MDGA2: variants seen among roughly 807,000 people sequenced by gnomAD.
MDGA2 encodes MAM domain-containing glycosylphosphatidylinositol anchor protein 2.
MDGA2 carries 40 observed loss-of-function variants against 117.8 expected under a neutral mutation model. That is an observed-to-expected ratio of 0.34 (90% CI 0.26 to 0.44). The LOEUF is 0.44. Ranked by LOEUF, MDGA2 falls within the 20% of genes least tolerant of loss-of-function variation. The probability of loss-of-function intolerance (pLI) is 1.00; values close to 1 mark genes in which losing one functional copy is unlikely to be tolerated. For synonymous variants in MDGA2, 452 were observed against 439.0 expected, an observed-to-expected ratio of 1.03 and a Z score of -0.37; for missense variants, 1,123 against 1,250.6, an observed-to-expected ratio of 0.90 and a Z score of 1.54.
chr14:46,926,431 A>C (rs1353495544), intron 9 of MDGA2, among the ~76,000 whole-genome samples: 2 of 152,164 alleles, frequency 1.3e-5, no homozygotes, highest in East Asian at 3.9e-4. Context: ...TGAAAAAAAA[A>C]AAAGCCTTCT....
chr14:47,314,060 A>G (rs139116890), intron 1 of MDGA2, among the ~76,000 whole-genome samples: 22 of 152,286 alleles, frequency 1.4e-4, no homozygotes, highest in South Asian at 2.1e-4. Context: ...CAGTTTGAGA[A>G]GAGTGTGAAG....
chr14:47,661,440 A>G (rs186183132), intron 1 of MDGA2, among the ~76,000 whole-genome samples: 1 of 152,296 alleles, frequency 6.6e-6, no homozygotes, highest in East Asian at 1.9e-4. Flanking sequence ...TTTTTCAATT[A>G]TAGGTGAAAA....
intron 1 of MDGA2, among the ~76,000 whole-genome samples, chr14:47,325,366 A>C (rs914583709): frequency 5.9e-5 from 9 of 152,192 alleles, no homozygotes; most frequent in Non-Finnish European, 1.3e-4. Context: ...GTAGATAAGT[A>C]GTGTCAATCA....
intron 8 of MDGA2, among the ~76,000 whole-genome samples, chr14:46,968,835 TAA>T (rs759219093): frequency 4.7e-5 from 5 of 105,834 alleles, no homozygotes; most frequent in Admixed American, 9.4e-5. Context: ...AGACTCTGTC[TAA>T]AAAAAAAAAA....
intron 1 of MDGA2, among the ~76,000 whole-genome samples, chr14:47,668,997 C>A (rs1898027172): frequency 6.6e-6 from 1 of 152,122 alleles, no homozygotes; most frequent in South Asian, 2.1e-4. Flanking sequence ...CGCCTCTATA[C>A]CTGGAACACA....
chr14:47,201,524 C>G lies in MDGA2; in HGVS notation c.595+16497G>C, dbSNP rs201284883. On this transcript the variant is annotated intron_variant, in intron 3 of 16. Transcript: ENST00000399232. ...TTAGTGCTGTTTCACAAGCCTCTCT[C>G]CTCCAAGTAAATGGCATGTCCTATG... Among the ~76,000 whole-genome samples the G allele has an allele frequency of 1.4e-4, 22 of 152,278 alleles. No individual in the cohort carries two copies. In the East Asian group the frequency reaches 2.7e-3, roughly 19 times the overall value.
intron 1 of MDGA2, among the ~76,000 whole-genome samples, chr14:47,529,179 A>C (rs951658399): frequency 6.6e-6 from 1 of 151,884 alleles, no homozygotes; most frequent in Non-Finnish European, 1.5e-5. Flanking sequence ...TTTTTTTACA[A>C]ACTTTTTTAT....
intron 7 of MDGA2, among the ~76,000 whole-genome samples, chr14:47,042,964 A>G (rs1055925191): frequency 2.6e-5 from 4 of 152,146 alleles, no homozygotes; most frequent in Non-Finnish European, 5.9e-5. Flanking sequence ...CAAAATTTAT[A>G]AGAACACCAA....
chr14:46,970,603 C>T (rs1280898507), intron 8 of MDGA2, among the ~76,000 whole-genome samples: 1 of 152,014 alleles, frequency 6.6e-6, no homozygotes, highest in African/African-American at 2.4e-5. Flanking sequence ...TAGAAAACAA[C>T]ATAGGGGAAA....
chr14:47,361,201 CTCTCTCTA>C (rs1340482602), intron 1 of MDGA2, among the ~76,000 whole-genome samples: 5 of 131,836 alleles, frequency 3.8e-5, no homozygotes, highest in Admixed American at 2.3e-4. Context: ...CTCTCTCTCT[CTCTCTCTA>C]TATATATATA....
At chr14:47,501,669 G>A (rs1235208045) in intron 1 of MDGA2, among the ~76,000 whole-genome samples, 1 of 152,090 alleles carries the variant, frequency 6.6e-6, no homozygotes, top group Admixed American at 6.6e-5. Flanking sequence ...ATGTCATAAA[G>A]GGAAAGATCT....
At chr14:47,293,406 A>G (rs1395744463) in intron 2 of MDGA2, among the ~76,000 whole-genome samples, 1 of 152,210 alleles carries the variant, frequency 6.6e-6, no homozygotes, top group Non-Finnish European at 1.5e-5. Context: ...CTAGCCCAGT[A>G]TCGTCACACT....
intron 1 of MDGA2, among the ~76,000 whole-genome samples, chr14:47,612,356 G>T (rs984937791): frequency 1.3e-5 from 2 of 151,940 alleles, no homozygotes; most frequent in Non-Finnish European, 2.9e-5. Context: ...AATTTAGGAG[G>T]TTACATATAC....
In MDGA2 at chr14:47,212,440, T is replaced by G. The variant is rs76891031; in HGVS notation, c.595+5581A>C. ...TTTATTAATTTTTTAAAAATCAAAC[T>G]ATGCAAGTGCAGTTTTAAAAGCCAA... is the stretch of plus-strand genomic sequence containing the variant. On this transcript the variant is annotated intron_variant, in intron 3 of 16. Transcript: ENST00000399232. 1.2e-3 allele frequency among the ~76,000 whole-genome samples: 176 copies of G among 152,318 alleles called. 3 individuals are homozygous for G. In the East Asian group the frequency reaches 0.031, roughly 27 times the overall value.
At chr14:47,051,238 C>CATT (rs141330195) in intron 7 of MDGA2, among the ~76,000 whole-genome samples, 12,987 of 151,822 alleles carry the variant, frequency 0.086, 713 homozygotes, top group Admixed American at 0.14. Context: ...AAATGAAAGG[C>CATT]ATTAGGTCAT....
intron 1 of MDGA2, among the ~76,000 whole-genome samples, chr14:47,387,758 G>C (rs1468977263): frequency 6.6e-6 from 1 of 152,004 alleles, no homozygotes; most frequent in Non-Finnish European, 1.5e-5. Context: ...ACATACTCTA[G>C]ACCCTGCATA....
At chr14:47,500,985 T>C (rs1894387317) in intron 1 of MDGA2, among the ~76,000 whole-genome samples, 1 of 152,146 alleles carries the variant, frequency 6.6e-6, no homozygotes, top group East Asian at 1.9e-4. Flanking sequence ...TTTTGTTAGA[T>C]TACATATTAA....
intron 5 of MDGA2, among the ~76,000 whole-genome samples, chr14:47,103,698 A>G (rs1034777952): frequency 1.3e-5 from 2 of 152,238 alleles, no homozygotes; most frequent in East Asian, 1.9e-4. Context: ...GAAAAATTGC[A>G]TAACTTTTAG....
intron 9 of MDGA2, among the ~76,000 whole-genome samples, chr14:46,930,889 T>A (rs905641059): frequency 2.0e-5 from 3 of 152,056 alleles, no homozygotes; most frequent in African/African-American, 7.2e-5. Flanking sequence ...TGAAAGGAAA[T>A]CAATTGTACT....
Sources: allele counts gnomAD v4.1 joint callset (sites outside exome capture counted in the v4.1 genomes callset), GRCh38; gene constraint gnomAD v4.1.1; transcripts MANE v1.5; gene names NCBI Gene and HGNC (gene_info 2026-07-23, HGNC 2026-07-21).